C5: variants seen among roughly 807,000 people sequenced by gnomAD.
C5 encodes the protein C3 and PZP-like alpha-2-macroglobulin domain-containing protein 4.
C5 carries 140 observed loss-of-function variants against 218.8 expected under a neutral mutation model. The observed-to-expected ratio is 0.64, with a 90% CI of 0.56 to 0.74. The LOEUF is 0.74. Among genes scored for constraint, C5 ranks in the 30% least tolerant of loss-of-function variants. C5 has a pLI of 0.00. For synonymous variants in C5, 614 were observed against 682.3 expected, an observed-to-expected ratio of 0.90 and a Z score of 1.56; for missense variants, 1,700 against 1,969.6, an observed-to-expected ratio of 0.86 and a Z score of 2.59.
At chr9:121,036,735 A>G (rs1348572716) in intron 4 of C5, among the ~76,000 whole-genome samples, 1 of 150,732 alleles carries the variant, frequency 6.6e-6, no homozygotes, top group African/African-American at 2.4e-5. Flanking sequence ...TATCACCCCC[A>G]CTCTCACCTC....
intron 1 of C5, among the ~76,000 whole-genome samples, chr9:121,047,660 T>C (rs775385531): frequency 3.9e-5 from 6 of 152,350 alleles, no homozygotes; most frequent in East Asian, 1.9e-4. Context: ...AGGAAGTTTT[T>C]AGTAACAATG....
chr9:121,004,379 T>C (rs1290341187), intron 20 of C5, among the ~76,000 whole-genome samples: 1 of 152,054 alleles, frequency 6.6e-6, no homozygotes, highest in African/African-American at 2.4e-5. Flanking sequence ...AATAAGGTGA[T>C]CAACAGAAAA....
chr9:120,953,972 G>A, intron 39 of C5, 104 bp from the exon 40 acceptor site: 3 of 1,184,276 alleles, frequency 2.5e-6, no homozygotes, highest in South Asian at 2.5e-5. Context: ...AGAGGTTCAT[G>A]GCTAGTGGAC....
At chr9:121,054,744 T>C (rs1461725830), upstream of C5, among the ~76,000 whole-genome samples, 2 of 152,244 alleles carry the variant, frequency 1.3e-5, no homozygotes, top group Admixed American at 1.3e-4. Flanking sequence ...TGACATATTT[T>C]GAAATGGCCC....
chr9:120,960,663 C>A (rs889476070), intron 37 of C5, among the ~76,000 whole-genome samples: 1 of 152,284 alleles, frequency 6.6e-6, no homozygotes, highest in African/African-American at 2.4e-5. Context: ...TGAAATTTTT[C>A]TTGTGATTTT....
chr9:120,953,400 A>G (rs1311595567), intron 40 of C5, among the ~76,000 whole-genome samples: 1 of 152,234 alleles, frequency 6.6e-6, no homozygotes, highest in Non-Finnish European at 1.5e-5. Flanking sequence ...ACTAGTTTCT[A>G]AAAGCAGATA....
At chr9:120,997,845 C>T in intron 20 of C5, 71 bp from the exon 21 acceptor site, 1 of 1,316,676 alleles carries the variant, frequency 7.6e-7, no homozygotes, top group Non-Finnish European at 1.1e-6. Flanking sequence ...CTATGTCGCC[C>T]AGGCTGGAGT....
At position 120,971,921 on chromosome 9, in the gene C5, A is replaced by C. The variant is rs750843608; in HGVS notation, c.4080+9T>G. Reference sequence around the variant, plus strand: ...ATAACTCGTTATTGGATATCAATTAAATACTTACATGTACTGTAGCCAAGC... The same window carrying C: ...ATAACTCGTTATTGGATATCAATTACATACTTACATGTACTGTAGCCAAGC... On this transcript the variant is annotated intron_variant, in intron 31 of 40. Coordinates refer to ENST00000223642, the MANE Select transcript of C5 (RefSeq NM_001735.3). 26 of 1,599,434 alleles carry C rather than the reference A, an allele frequency of 1.6e-5. No homozygotes were observed. Among genetic ancestry groups the C allele is most frequent in the Non-Finnish European group, 2.1e-5 (24 of 1,166,974 alleles).
intron 12 of C5, among the ~76,000 whole-genome samples, chr9:121,018,482 G>A (rs1399042613): frequency 6.6e-6 from 1 of 151,180 alleles, no homozygotes; most frequent in Non-Finnish European, 1.5e-5. Context: ...GCTGAGGCAG[G>A]AGAATTGCTT....
intron 30 of C5, among the ~76,000 whole-genome samples, chr9:120,974,381 C>A (rs943319106): frequency 2.6e-5 from 4 of 152,190 alleles, no homozygotes; most frequent in Admixed American, 2.0e-4. Context: ...CTGCTCTGTG[C>A]GCTGTTATCT....
intron 37 of C5, 114 bp from the exon 38 acceptor site, chr9:120,960,451 A>C: frequency 1.4e-6 from 1 of 713,018 alleles, no homozygotes; most frequent in Non-Finnish European, 2.5e-6. Flanking sequence ...AACCTTACAA[A>C]TGTCAGATTT....
At chr9:121,025,417 T>TATACACACACAC (rs2047411409) in intron 9 of C5, 37 bp downstream of exon 9, 1 of 190,370 alleles carries the variant, frequency 5.3e-6, no homozygotes, top group East Asian at 3.1e-4. Flanking sequence ...CAAAAGAAAG[T>TATACACACACAC]ATACACACAC....
At chr9:120,992,688 A>G (rs1372865625) in intron 22 of C5, among the ~76,000 whole-genome samples, 1 of 152,232 alleles carries the variant, frequency 6.6e-6, no homozygotes, top group Non-Finnish European at 1.5e-5. Context: ...TCACGGTAAA[A>G]GACTCATCAA....
chr9:120,966,541 G>C (rs539215269), intron 33 of C5, among the ~76,000 whole-genome samples: 21 of 152,276 alleles, frequency 1.4e-4, no homozygotes, highest in African/African-American at 4.3e-4. Context: ...ATGCCTCCCT[G>C]TAGGGTCCCA....
intron 7 of C5, among the ~76,000 whole-genome samples, chr9:121,027,676 C>T (rs991192878): frequency 6.6e-6 from 1 of 152,162 alleles, no homozygotes; most frequent in African/African-American, 2.4e-5. Context: ...TTCCTTATAT[C>T]TTATACAAAA....
At chr9:121,022,284 C>T (rs2047372746) in intron 10 of C5, among the ~76,000 whole-genome samples, 1 of 133,264 alleles carries the variant, frequency 7.5e-6, no homozygotes, top group Non-Finnish European at 1.6e-5. Flanking sequence ...CCTTTAACAT[C>T]TACCTCTCAC....
chr9:121,002,137 T>TA, intron 20 of C5, among the ~76,000 whole-genome samples: 1 of 148,384 alleles, frequency 6.7e-6, no homozygotes, highest in Non-Finnish European at 1.5e-5. Context: ...TATATATATA[T>TA]ATGTATGTAT....
At chr9:121,055,275 G>A (rs1034983857), upstream of C5, among the ~76,000 whole-genome samples, 6 of 151,964 alleles carry the variant, frequency 3.9e-5, no homozygotes, top group African/African-American at 1.5e-4. Context: ...ACTCATATTG[G>A]CTCAAAATAT....
intron 2 of C5, 142 bp from the exon 3 acceptor site, chr9:121,043,308 G>A: frequency 1.4e-6 from 1 of 731,172 alleles, no homozygotes; most frequent in South Asian, 1.9e-5. Flanking sequence ...AGCAAGAAGA[G>A]TAAATAAATT....
Sources: allele counts gnomAD v4.1 joint callset (sites outside exome capture counted in the v4.1 genomes callset), GRCh38; gene constraint gnomAD v4.1.1; transcripts MANE v1.5; gene names NCBI Gene and HGNC (gene_info 2026-07-23, HGNC 2026-07-21).